The following TUBGCP3 variants were observed in gnomAD, a reference collection of about 807,000 sequenced individuals.
The protein encoded by TUBGCP3 is tubulin gamma complex component 3, also known as gamma-tubulin complex component 3.
Under a neutral mutation model 123.1 loss-of-function variants are expected in TUBGCP3, and 50 were observed. The ratio of observed to expected loss-of-function variants is 0.41; its 90% CI spans 0.32 to 0.51. The LOEUF (loss-of-function observed/expected upper bound fraction) is 0.51. TUBGCP3 is among the 20% of genes least tolerant of loss of function. The probability of loss-of-function intolerance (pLI) is 0.36; values close to 1 mark genes in which losing one functional copy is unlikely to be tolerated. For missense variants in TUBGCP3, 882 were observed against 1,127.0 expected (o/e 0.78, Z 3.11); for synonymous variants, 405 against 413.9 (o/e 0.98, Z 0.26).
In TUBGCP3 at chr13:112,504,704, C is replaced by G; in HGVS notation, c.2097G>C (p.Gly699=). The change falls in exon 18 of 22, where the codon GGG becomes GGC. Residue 699 remains glycine, a synonymous_variant. Coordinates refer to ENST00000261965, the MANE Select transcript of TUBGCP3 (RefSeq NM_006322.6). Reference sequence around the variant, plus strand: ...CCAAAATGTGACACTGGTGCAGCACCCCGGAGAACTCTGCAAGGGAAGAGT... The same window carrying G: ...CCAAAATGTGACACTGGTGCAGCACGCCGGAGAACTCTGCAAGGGAAGAGT... ...KLLRNMPEFS[G]VLHQCHILAS... The G allele has an allele frequency of 6.2e-7, 1 of 1,613,162 alleles. No homozygotes were observed.
At chr13:112,529,596 G>A (rs1054963924) in intron 11 of TUBGCP3, among the ~76,000 whole-genome samples, 1 of 152,168 alleles carries the variant, frequency 6.6e-6, no homozygotes, top group Non-Finnish European at 1.5e-5. Flanking sequence ...CTGGACCCCA[G>A]TGGTCTGCCC....
chr13:112,548,900 G>C (rs1332620194), intron 8 of TUBGCP3, among the ~76,000 whole-genome samples: 2 of 152,184 alleles, frequency 1.3e-5, no homozygotes, highest in Non-Finnish European at 2.9e-5. Context: ...CTGTAAACTA[G>C]TTCAACCATT....
intron 8 of TUBGCP3, among the ~76,000 whole-genome samples, chr13:112,550,692 A>G (rs1427632123): frequency 6.6e-6 from 1 of 152,268 alleles, no homozygotes; most frequent in Non-Finnish European, 1.5e-5. Flanking sequence ...TAATATTTAC[A>G]GAGAAAACGA....
chr13:112,496,170 T>C (rs993599587), intron 20 of TUBGCP3, among the ~76,000 whole-genome samples: 20 of 152,180 alleles, frequency 1.3e-4, no homozygotes, highest in East Asian at 5.8e-4. Flanking sequence ...TGGAGATATA[T>C]TGATAAAAAA....
chr13:112,580,902 C>T (rs575128789), intron 1 of TUBGCP3, among the ~76,000 whole-genome samples: 1 of 152,344 alleles, frequency 6.6e-6, no homozygotes, highest in South Asian at 2.1e-4. Flanking sequence ...TCCACAGCTA[C>T]CATCCCATTA....
Position 112,519,781 on chromosome 13 carries a change from C to T in TUBGCP3, c.1881+105G>A, listed in dbSNP as rs1266261765. On this transcript the variant is annotated intron_variant, in intron 15 of 21. Coordinates refer to ENST00000261965, the MANE Select transcript of TUBGCP3 (RefSeq NM_006322.6). This position sits in a 1 kb window ranked among gnomAD's most constrained non-coding sequence, Gnocchi z 6.2. ...GGCTGCCCAGTTTCCAGAAAGATAA[C>T]GGCTAGCTGTGCCTGAAACAACATG... 9.9e-6 allele frequency: 14 copies of T among 1,410,974 alleles called. No homozygotes were observed. The highest frequency in any genetic ancestry group is 7.5e-5 in the East Asian group (3 of 40,192). 87.4% of individuals were successfully genotyped at this position (1,410,974 alleles called of 1,614,324 possible).
At position 112,545,599 on chromosome 13, in the gene TUBGCP3, G is replaced by C. The variant is rs1384342487; in HGVS notation, c.1335+100C>G. The C allele has an allele frequency of 7.1e-7, 1 of 1,401,500 alleles. No individual in the cohort carries two copies. The highest frequency in any genetic ancestry group is 1.4e-5 in the African/African-American group (1 of 70,702). 86.8% of individuals were successfully genotyped at this position (1,401,500 alleles called of 1,614,324 possible). ...TCAATGGAAGTGCAGTTGCATTCCT[G>C]TTAGGAGAACATGGTAATCATGAGG... On this transcript the variant is annotated intron_variant, in intron 11 of 21. Coordinates refer to ENST00000261965, the MANE Select transcript of TUBGCP3 (RefSeq NM_006322.6). The surrounding 1 kb of genome is among the most constrained non-coding windows in gnomAD (Gnocchi z 4.1).
intron 18 of TUBGCP3, 99 bp from the exon 19 acceptor site, chr13:112,504,262 C>A: frequency 6.8e-7 from 1 of 1,466,286 alleles, no homozygotes; most frequent in Non-Finnish European, 9.3e-7. Context: ...CCGAGGCGGG[C>A]AGATCACCTG....
At position 112,485,984 on chromosome 13, in the gene TUBGCP3, C is replaced by T; in HGVS notation, c.*9G>A. 1 of 1,575,240 alleles carries T rather than the reference C, an allele frequency of 6.3e-7. No homozygotes were observed. Among genetic ancestry groups the T allele is most frequent in the Non-Finnish European group, 8.7e-7 (1 of 1,154,504 alleles). On this transcript the variant is annotated 3_prime_UTR_variant, in exon 22 of 22. Coordinates refer to ENST00000261965, the MANE Select transcript of TUBGCP3 (RefSeq NM_006322.6). ...CATCACCCGCAGCTCCCTGGGAGGA[C>T]CGCGAGCTTCACGTGTGGGAGCTGC...
intron 10 of TUBGCP3, 38 bp downstream of exon 10, chr13:112,547,582 C>T (rs374508177): frequency 3.5e-6 from 5 of 1,439,988 alleles, no homozygotes; most frequent in South Asian, 1.5e-5. Flanking sequence ...GAAAGTCGCG[C>T]GTGGGAAAGA....
intron 17 of TUBGCP3, among the ~76,000 whole-genome samples, chr13:112,515,751 G>A (rs1308527302): frequency 6.6e-6 from 1 of 152,192 alleles, no homozygotes; most frequent in African/African-American, 2.4e-5. Context: ...GCTCAGACAG[G>A]GAACTCCCTG....
chr13:112,513,799 T>C (rs747467013), intron 17 of TUBGCP3, among the ~76,000 whole-genome samples: 2 of 152,192 alleles, frequency 1.3e-5, no homozygotes, highest in Non-Finnish European at 2.9e-5. Flanking sequence ...AAAGGAAATA[T>C]GGTAGTCCCC....
intron 4 of TUBGCP3, 148 bp downstream of exon 4, chr13:112,559,174 G>A: frequency 1.6e-6 from 1 of 615,970 alleles, no homozygotes; most frequent in Non-Finnish European, 2.6e-6. Context: ...TCCTTAAAAA[G>A]AAAAAGGAAA....
intron 3 of TUBGCP3, among the ~76,000 whole-genome samples, chr13:112,563,351 T>C (rs955320971): frequency 6.6e-6 from 1 of 152,222 alleles, no homozygotes; most frequent in Non-Finnish European, 1.5e-5. Context: ...GAATGGCTAC[T>C]AACCTGAATC....
chr13:112,583,639 G>C (rs1210995287), intron 1 of TUBGCP3, among the ~76,000 whole-genome samples: 1 of 152,206 alleles, frequency 6.6e-6, no homozygotes, highest in African/African-American at 2.4e-5. Flanking sequence ...TTCGACTCAA[G>C]TGAATACAGA....
chr13:112,569,068 C>G, intron 2 of TUBGCP3, 84 bp downstream of exon 2: 1 of 1,271,508 alleles, frequency 7.9e-7, no homozygotes, highest in Non-Finnish European at 1.1e-6. Flanking sequence ...ACTACATACA[C>G]ACCTACACAC....
At position 112,569,238 on chromosome 13, in the gene TUBGCP3, T is replaced by A. The variant is rs1260950380; in HGVS notation, c.98A>T (p.Gln33Leu). The part of the protein sequence containing the change: ...RSEADVAQQF[Q>L]YAVRVIGSNF... The stretch of plus-strand genomic sequence containing the variant: ...GCTGCCAATCACCCGCACAGCATAC[T>A]GGAACTGCTGGGCTACATCAGCTGA... Residue 33 changes from glutamine (Q) to leucine (L), a missense_variant, in exon 2 of 22, where the codon CAG (glutamine) becomes CTG (leucine). By Grantham distance (113) the Gln-to-Leu change is moderately radical (BLOSUM62 -2). This residue lies in a region of TUBGCP3 where 713 missense variants were observed against 874.0 expected (regional missense o/e 0.82). Transcript: ENST00000261965. 6.2e-7 allele frequency: 1 copy of A among 1,614,142 alleles called. No individual in the cohort carries two copies. Among genetic ancestry groups the A allele is most frequent in the Non-Finnish European group, 8.5e-7 (1 of 1,180,004 alleles).
At chr13:112,540,017 C>T (rs112462405) in intron 11 of TUBGCP3, among the ~76,000 whole-genome samples, 3 of 130,154 alleles carry the variant, frequency 2.3e-5, no homozygotes, top group East Asian at 2.3e-4. Context: ...GGAATGAGGA[C>T]GTCAATGTAG....
Position 112,516,295 on chromosome 13 carries a change from A to C in TUBGCP3, c.2086+145T>G, listed in dbSNP as rs1248071954. ...TAGAATAAAAAATAAATGTGATTTT[A>C]AAAGAAAGTTCGCCATCTGAAAAAA... On this transcript the variant is annotated intron_variant, in intron 17 of 21. Transcript: ENST00000261965. 4.6e-6 allele frequency: 4 copies of C among 862,572 alleles called. No homozygotes were observed. In the East Asian group the frequency reaches 1.2e-4, roughly 27 times the overall value. 53.4% of individuals were successfully genotyped at this position (862,572 alleles called of 1,614,324 possible).
Sources: gnomAD v4.1 joint callset for allele counts (sites outside exome capture counted in the v4.1 genomes callset) on GRCh38, gnomAD v4.1.1 for gene constraint, gnomAD v4.1.1 regional missense constraint, Gnocchi (gnomAD v3.1) non-coding constraint, MANE v1.5 for transcripts, NCBI Gene and HGNC (gene_info 2026-07-23, HGNC 2026-07-21) for gene names.